Variants in CNTN4 observed in about 807,000 individuals in gnomAD.
CNTN4 encodes the protein contactin-4.
CNTN4 carries 77 observed loss-of-function variants against 122.5 expected under a neutral mutation model. The observed-to-expected ratio is 0.63, with a 90% CI of 0.52 to 0.76. The LOEUF is 0.76. CNTN4 is among the 30% of genes least tolerant of loss of function. The pLI, the probability that CNTN4 is intolerant of heterozygous loss-of-function variation, is 0.00. For missense variants in CNTN4, 1,256 were observed against 1,259.1 expected, an observed-to-expected ratio of 1.00 and a Z score of 0.04; for synonymous variants, 512 against 447.0, an observed-to-expected ratio of 1.15 and a Z score of -1.83.
chr3:2,731,722 C>T (rs2088700166), intron 4 of CNTN4, among the ~76,000 whole-genome samples: 1 of 152,196 alleles, frequency 6.6e-6, no homozygotes, highest in Non-Finnish European at 1.5e-5. Flanking sequence ...CTTTTGGGGA[C>T]CCAAGTGTAA....
intron 10 of CNTN4, among the ~76,000 whole-genome samples, chr3:2,888,932 C>T (rs1166760576): frequency 6.6e-6 from 1 of 151,468 alleles, no homozygotes; most frequent in African/African-American, 2.4e-5. Flanking sequence ...AGCTTCTGGC[C>T]AAGGGAGGCT....
At chr3:2,956,801 A>G (rs1240634543) in intron 13 of CNTN4, among the ~76,000 whole-genome samples, 1 of 151,834 alleles carries the variant, frequency 6.6e-6, no homozygotes, top group Non-Finnish European at 1.5e-5. Flanking sequence ...TATTTCCCCT[A>G]CCTCCAGAGC....
intron 2 of CNTN4, among the ~76,000 whole-genome samples, chr3:2,332,894 A>T (rs1039961487): frequency 3.1e-5 from 4 of 130,808 alleles, no homozygotes; most frequent in Non-Finnish European, 5.2e-5. Context: ...AATAAAATTA[A>T]AAAAAAATAA....
At chr3:2,099,547 A>T (rs2031715234) in intron 1 of CNTN4, 1 of 153,232 alleles carries the variant, frequency 6.5e-6, no homozygotes, top group Admixed American at 6.5e-5. Context: ...AGCCGCGTGG[A>T]GACGGAGGCT....
intron 2 of CNTN4, among the ~76,000 whole-genome samples, chr3:2,263,156 T>G (rs546449533): frequency 2.6e-5 from 4 of 152,118 alleles, no homozygotes; most frequent in Non-Finnish European, 4.4e-5. Flanking sequence ...AAGAGAAAAA[T>G]TAGCAGTATT....
At chr3:2,815,919 G>A (rs866998339) in intron 6 of CNTN4, among the ~76,000 whole-genome samples, 10 of 144,606 alleles carry the variant, frequency 6.9e-5, no homozygotes, top group Non-Finnish European at 5.9e-5. Context: ...CCATAAAAAG[G>A]ATGAATAAAC....
chr3:2,453,594 C>T (rs1575665322), intron 3 of CNTN4, among the ~76,000 whole-genome samples: 1 of 152,006 alleles, frequency 6.6e-6, no homozygotes, highest in Non-Finnish European at 1.5e-5. Context: ...TTCAGAGGCA[C>T]GGCTTCAAAA....
At chr3:3,046,135 A>T (rs1376768694) in intron 23 of CNTN4, among the ~76,000 whole-genome samples, 3 of 152,220 alleles carry the variant, frequency 2.0e-5, no homozygotes, top group Non-Finnish European at 4.4e-5. Flanking sequence ...ATGTGAAAAG[A>T]CCAAATCTAC....
chr3:2,561,499 A>T (rs1289309673), intron 3 of CNTN4, among the ~76,000 whole-genome samples: 1 of 151,844 alleles, frequency 6.6e-6, no homozygotes, highest in African/African-American at 2.4e-5. Flanking sequence ...GGGGTCATGG[A>T]TTTCCCCCTT....
rs533491987 is a variant in CNTN4, at chr3:2,457,381, A to G, written c.-88-114035A>G. ...CTTAATAATGAAAATTATATAACAA[A>G]CAACAAAAAACAAGCCCCAAGCTTC... On this transcript the variant is annotated intron_variant, in intron 3 of 24. Coordinates refer to ENST00000418658, the MANE Select transcript of CNTN4 (RefSeq NM_175607.3). Among the ~76,000 whole-genome samples, 247 of 152,300 alleles carry G rather than the reference A, an allele frequency of 1.6e-3. 1 individual carries two copies. The highest frequency in any genetic ancestry group is 5.8e-3 in the African/African-American group (241 of 41,570).
chr3:2,335,584 G>GGT (rs2043920867), intron 2 of CNTN4, among the ~76,000 whole-genome samples: 1 of 145,600 alleles, frequency 6.9e-6, no homozygotes, highest in African/African-American at 2.5e-5. Flanking sequence ...AATTCTGTGG[G>GGT]TTTTTTTTTT....
intron 2 of CNTN4, among the ~76,000 whole-genome samples, chr3:2,274,287 G>A (rs1349021171): frequency 1.3e-5 from 2 of 152,122 alleles, no homozygotes; most frequent in Admixed American, 6.5e-5. Flanking sequence ...GGAGACTGAG[G>A]CAGGAGAATC....
chr3:2,717,260 G>C (rs924949221), intron 4 of CNTN4, among the ~76,000 whole-genome samples: 1 of 152,220 alleles, frequency 6.6e-6, no homozygotes, highest in Non-Finnish European at 1.5e-5. Flanking sequence ...GTGGCTCACT[G>C]TTCCTAAATT....
At chr3:2,420,570 G>C (rs1442767773) in intron 3 of CNTN4, among the ~76,000 whole-genome samples, 1 of 151,886 alleles carries the variant, frequency 6.6e-6, no homozygotes, top group South Asian at 2.1e-4. Flanking sequence ...CGAGTAGCTG[G>C]GACTACAGAC....
chr3:2,527,409 A>ATGCTGCTGC (rs34099392), intron 3 of CNTN4, among the ~76,000 whole-genome samples: 164 of 149,982 alleles, frequency 1.1e-3, no homozygotes, highest in African/African-American at 1.5e-3. Context: ...GGAACAATGT[A>ATGCTGCTGC]TGCTGCTGCT....
chr3:2,738,492 T>C (rs1005665636), intron 5 of CNTN4, among the ~76,000 whole-genome samples: 2 of 152,062 alleles, frequency 1.3e-5, no homozygotes, highest in African/African-American at 4.8e-5. Flanking sequence ...ATACTTGAGG[T>C]GGAAGAGAAA....
chr3:2,761,630 C>T (rs1430002565), intron 6 of CNTN4, among the ~76,000 whole-genome samples: 1 of 152,118 alleles, frequency 6.6e-6, no homozygotes, highest in African/African-American at 2.4e-5. Context: ...GGTCCACATA[C>T]ACCCTGAGAA....
chr3:2,521,343 T>TCGGCCCCCCCCCCCCC (rs781282977), intron 3 of CNTN4, among the ~76,000 whole-genome samples: 27 of 128,360 alleles, frequency 2.1e-4, no homozygotes, highest in Admixed American at 3.3e-4. Flanking sequence ...CCTCTACCCA[T>TCGGCCCCCCCCCCCCC]CCCCCCCACC....
chr3:2,204,118 A>G (rs192816580), intron 2 of CNTN4, among the ~76,000 whole-genome samples: 45 of 152,296 alleles, frequency 3.0e-4, no homozygotes, highest in South Asian at 2.1e-3. Flanking sequence ...GAGTTTTTAT[A>G]TTCATTCATT....
Sources: gnomAD v4.1 joint callset for allele counts (sites outside exome capture counted in the v4.1 genomes callset) on GRCh38, gnomAD v4.1.1 for gene constraint, MANE v1.5 for transcripts, NCBI Gene and HGNC (gene_info 2026-07-23, HGNC 2026-07-21) for gene names.